HMCN1: variants seen among roughly 807,000 people sequenced by gnomAD.
HMCN1 encodes the protein hemicentin 1, also known as hemicentin-1.
A neutral mutation model predicts 625.9 loss-of-function variants in HMCN1; 321 were observed. That is an observed-to-expected ratio of 0.51 (90% CI 0.47 to 0.56). HMCN1 has a LOEUF of 0.56. Ranked by LOEUF, HMCN1 falls within the 20% of genes least tolerant of loss-of-function variation. HMCN1 has a pLI of 0.00. For missense variants in HMCN1, 6,588 were observed against 6,887.3 expected (o/e 0.96, Z 1.54); for synonymous variants, 2,425 against 2,417.6 (o/e 1.00, Z -0.09).
intron 4 of HMCN1, among the ~76,000 whole-genome samples, chr1:185,866,589 G>A: frequency 6.6e-6 from 1 of 151,440 alleles, no homozygotes; most frequent in Non-Finnish European, 1.5e-5. Flanking sequence ...TGTATTTTTA[G>A]TAGAGACGGG....
chr1:186,126,151 TA>T (rs1472584149), intron 82 of HMCN1, among the ~76,000 whole-genome samples: 1 of 152,100 alleles, frequency 6.6e-6, no homozygotes, highest in Non-Finnish European at 1.5e-5. Context: ...TTCAATTCTT[TA>T]GTGCTTCAAG....
chr1:185,924,736 A>G (rs984733191), intron 8 of HMCN1, among the ~76,000 whole-genome samples: 2 of 152,082 alleles, frequency 1.3e-5, no homozygotes, highest in Admixed American at 6.6e-5. Flanking sequence ...TAAAATTGAT[A>G]TATTGTTGCT....
chr1:185,980,468 G>A (rs1288802007), intron 16 of HMCN1, among the ~76,000 whole-genome samples: 1 of 152,156 alleles, frequency 6.6e-6, no homozygotes, highest in East Asian at 1.9e-4. Context: ...TGCTGGACTT[G>A]GGATAATTGT....
Position 185,843,548 on chromosome 1 carries a change from G to A in HMCN1, c.269-2478G>A, listed in dbSNP as rs755751195. Among the ~76,000 whole-genome samples, 6 of 152,224 alleles carry A rather than the reference G, an allele frequency of 3.9e-5. No individual in the cohort carries two copies. In the East Asian group the frequency reaches 1.2e-3, roughly 29 times the overall value. On this transcript the variant is annotated intron_variant, in intron 1 of 106. Transcript: ENST00000271588. ...AGCATGAGTGAAAAGGAAGAAAAGA[G>A]GAAATTGCTAATGACACAGCTGGCA...
Position 185,938,265 on chromosome 1 carries a change from G to A in HMCN1, c.1828+4441G>A, listed in dbSNP as rs144122103. Among the ~76,000 whole-genome samples, 37 of 152,236 alleles carry A rather than the reference G, an allele frequency of 2.4e-4. No individual in the cohort carries two copies. In the East Asian group the frequency reaches 6.6e-3, roughly 27 times the overall value. On this transcript the variant is annotated intron_variant, in intron 11 of 106. Transcript: ENST00000271588. ...GTCTTGGGTGAATAGATTAACCAAG[G>A]TAAATGAAGGGAGAACTTCATCTAG...
chr1:186,148,935 CTT>C (rs57126500), intron 93 of HMCN1, among the ~76,000 whole-genome samples: 5,995 of 143,208 alleles, frequency 0.042, 368 homozygotes, highest in African/African-American at 0.14. Flanking sequence ...TGAAAGGAAT[CTT>C]TTTTTTTTTT....
intron 11 of HMCN1, among the ~76,000 whole-genome samples, chr1:185,948,007 A>T (rs147004219): frequency 6.6e-6 from 1 of 152,330 alleles, no homozygotes; most frequent in African/African-American, 2.4e-5. Flanking sequence ...GATTGACCTA[A>T]ATCAGTAGGC....
intron 4 of HMCN1, among the ~76,000 whole-genome samples, chr1:185,879,042 G>A (rs1468890512): frequency 6.6e-6 from 1 of 152,188 alleles, no homozygotes; most frequent in Non-Finnish European, 1.5e-5. Context: ...AGTGGCCTGA[G>A]TCATCCTCTC....
intron 30 of HMCN1, among the ~76,000 whole-genome samples, chr1:186,014,649 G>A (rs1261391070): frequency 6.6e-6 from 1 of 151,804 alleles, no homozygotes; most frequent in African/African-American, 2.4e-5. Context: ...AGTGAATGGA[G>A]TCTTGGCAGT....
chr1:185,995,458 G>A (rs1317408412), intron 24 of HMCN1, among the ~76,000 whole-genome samples: 1 of 151,994 alleles, frequency 6.6e-6, no homozygotes, highest in Non-Finnish European at 1.5e-5. Flanking sequence ...GGAAATCTAG[G>A]TCCACTACTT....
chr1:185,795,167 G>T lies in HMCN1; in HGVS notation c.269-50859G>T, dbSNP rs185593491. 2.2e-3 allele frequency among the ~76,000 whole-genome samples: 331 copies of T among 152,276 alleles called. 2 individuals carry two copies. Among genetic ancestry groups the T allele is most frequent in the African/African-American group, 7.8e-3 (323 of 41,574 alleles). On this transcript the variant is annotated intron_variant, in intron 1 of 106. Transcript: ENST00000271588. ...CTAATAGAGTTTTAAAGGTGGAGTG[G>T]TCATAGTCGAGCTTGTGAAATTTCT...
chr1:186,115,050 C>T, intron 74 of HMCN1, 104 bp downstream of exon 74: 6 of 1,519,584 alleles, frequency 3.9e-6, no homozygotes, highest in Middle Eastern at 1.7e-4. Flanking sequence ...GCTAGTTAAG[C>T]AATTTACATT....
At chr1:186,110,770 C>A (rs1451506895) in intron 71 of HMCN1, among the ~76,000 whole-genome samples, 2 of 151,808 alleles carry the variant, frequency 1.3e-5, no homozygotes, top group Non-Finnish European at 2.9e-5. Flanking sequence ...CCAGAAGGGT[C>A]ATCCATTTTC....
intron 30 of HMCN1, among the ~76,000 whole-genome samples, chr1:186,013,804 GA>G (rs1485573033): frequency 6.6e-6 from 1 of 152,276 alleles, no homozygotes; most frequent in South Asian, 2.1e-4. Flanking sequence ...TGTAGTACTG[GA>G]TGTAACCCAA....
intron 42 of HMCN1, among the ~76,000 whole-genome samples, chr1:186,051,789 TA>T (rs1445126011): frequency 2.6e-5 from 4 of 152,058 alleles, no homozygotes; most frequent in East Asian, 1.9e-4. Flanking sequence ...GGCAGCTGGA[TA>T]GGGGGACTTC....
intron 4 of HMCN1, among the ~76,000 whole-genome samples, chr1:185,905,645 A>G (rs1343357934): frequency 6.6e-6 from 1 of 151,838 alleles, no homozygotes; most frequent in African/African-American, 2.4e-5. Context: ...CTTATCATTC[A>G]TAATAATGTG....
rs192692260 is a variant in HMCN1 at position 186,112,908 on chromosome 1, A to G, written c.11086A>G (p.Asn3696Asp). ...AGCCAATTATACCTGTGTTGCCAGC[A>G]ACATTGCAGGAAAGACTACAAGAGA... Reference protein sequence around the residue: ...DTANYTCVASNIAGKTTREFI... With the variant: ...DTANYTCVASDIAGKTTREFI... The change falls in exon 72 of 107, where the codon AAC becomes GAC. Residue 3696 changes from asparagine to aspartate, a missense_variant. Transcript: ENST00000271588. 3.1e-6 allele frequency: 5 copies of G among 1,614,176 alleles called. No homozygotes were observed. The African/African-American group carries it at 4.0e-5, about 13-fold the overall frequency.
At chr1:186,076,744 C>A in intron 54 of HMCN1, 122 bp downstream of exon 54, 2 of 879,688 alleles carry the variant, frequency 2.3e-6, no homozygotes, top group South Asian at 1.4e-5. Context: ...AGTTAGACTG[C>A]TGAATGCCAC....
At chr1:185,832,371 G>T (rs1660922309) in intron 1 of HMCN1, among the ~76,000 whole-genome samples, 1 of 152,032 alleles carries the variant, frequency 6.6e-6, no homozygotes, top group African/African-American at 2.4e-5. Flanking sequence ...AGCAAAAGGG[G>T]AGTAATGATG....
Sources: gnomAD v4.1 joint callset for allele counts (sites outside exome capture counted in the v4.1 genomes callset) on GRCh38, gnomAD v4.1.1 for gene constraint, MANE v1.5 for transcripts, NCBI Gene and HGNC (gene_info 2026-07-23, HGNC 2026-07-21) for gene names.